The following MIPOL1 variants were observed in gnomAD, a reference collection of about 807,000 sequenced individuals.
The protein encoded by MIPOL1 is mirror-image polydactyly 1.
Under a neutral mutation model 60.9 loss-of-function variants are expected in MIPOL1, and 57 were observed. The observed-to-expected ratio is 0.94, with a 90% CI of 0.76 to 1.17. MIPOL1 has a LOEUF of 1.17. Ranked by LOEUF, MIPOL1 falls within the 50% of genes most tolerant of loss-of-function variation. MIPOL1 has a pLI of 0.00. For synonymous variants in MIPOL1, 179 were observed against 168.8 expected, an observed-to-expected ratio of 1.06 and a Z score of -0.47; for missense variants, 551 against 511.6, an observed-to-expected ratio of 1.08 and a Z score of -0.74.
intron 1 of MIPOL1, among the ~76,000 whole-genome samples, chr14:37,201,701 G>C (rs1965370493): frequency 6.6e-6 from 1 of 151,960 alleles, no homozygotes. Context: ...ATGTCTCTTT[G>C]GGCTGCCCAG....
chr14:37,230,822 C>T (rs1266763700), intron 1 of MIPOL1, among the ~76,000 whole-genome samples: 1 of 152,060 alleles, frequency 6.6e-6, no homozygotes, highest in Non-Finnish European at 1.5e-5. Context: ...TACTGCATGG[C>T]AAACAAGGGA....
intron 9 of MIPOL1, among the ~76,000 whole-genome samples, chr14:37,351,073 A>C (rs1327231427): frequency 2.9e-5 from 3 of 104,532 alleles, no homozygotes; most frequent in South Asian, 3.6e-4. Flanking sequence ...CCCACCCCAC[A>C]ACGGTCCCCA....
intron 7 of MIPOL1, among the ~76,000 whole-genome samples, 166 bp downstream of exon 7, chr14:37,285,613 A>G (rs1404965361): frequency 2.7e-5 from 4 of 145,530 alleles, no homozygotes; most frequent in African/African-American, 1.0e-4. Flanking sequence ...TTTTTTTGAG[A>G]CGGAGTCTTG....
intron 11 of MIPOL1, among the ~76,000 whole-genome samples, chr14:37,491,640 T>C (rs887297229): frequency 5.3e-5 from 8 of 152,224 alleles, no homozygotes; most frequent in Non-Finnish European, 1.0e-4. Flanking sequence ...ACCCAATTTA[T>C]ATTGTGAAAT....
chr14:37,298,677 G>A (rs1235321753), intron 7 of MIPOL1, among the ~76,000 whole-genome samples: 1 of 152,186 alleles, frequency 6.6e-6, no homozygotes. Flanking sequence ...CATTTATGCA[G>A]CCAAAAAACA....
At chr14:37,442,088 T>TTGTGTGTGTG (rs3985271) in intron 11 of MIPOL1, among the ~76,000 whole-genome samples, 45 of 143,816 alleles carry the variant, frequency 3.1e-4, no homozygotes, top group East Asian at 1.7e-3. Flanking sequence ...TTCTACTTTG[T>TTGTGTGTGTG]TGTGTGTGTG....
At chr14:37,238,984 A>G (rs1198100730) in intron 1 of MIPOL1, among the ~76,000 whole-genome samples, 1 of 151,768 alleles carries the variant, frequency 6.6e-6, no homozygotes, top group African/African-American at 2.4e-5. Flanking sequence ...TTTATTTTTT[A>G]ATGAAAAATG....
intron 3 of MIPOL1, among the ~76,000 whole-genome samples, chr14:37,261,566 T>C (rs185558475): frequency 6.6e-6 from 1 of 152,224 alleles, no homozygotes; most frequent in African/African-American, 2.4e-5. Context: ...AAATTAAAGA[T>C]ATAAATTTGA....
intron 11 of MIPOL1, among the ~76,000 whole-genome samples, chr14:37,435,926 G>T (rs1222192053): frequency 2.6e-5 from 4 of 152,100 alleles, no homozygotes; most frequent in Non-Finnish European, 5.9e-5. Flanking sequence ...GTATATTTAT[G>T]ACAATGTGGT....
At chr14:37,445,313 C>A (rs1370842794) in intron 11 of MIPOL1, among the ~76,000 whole-genome samples, 1 of 152,204 alleles carries the variant, frequency 6.6e-6, no homozygotes, top group Admixed American at 6.5e-5. Flanking sequence ...GAGTGAACTC[C>A]CATTCACAAT....
At position 37,342,245 on chromosome 14, in the gene MIPOL1, T is replaced by C. The variant is rs140448754; in HGVS notation, c.829-27272T>C. 2.7e-3 allele frequency among the ~76,000 whole-genome samples: 407 copies of C among 151,720 alleles called. 1 individual carries two copies. The highest frequency in any genetic ancestry group is 4.8e-3 in the Non-Finnish European group (326 of 67,904). ...AGCACGGTGGTGTGTGCCCCCCAGC[T>C]ATTTGGGAGGCTGAGACAGGAGAAT... On this transcript the variant is annotated intron_variant, in intron 9 of 12. Transcript: ENST00000684589.
At chr14:37,282,031 A>G (rs1594887230) in intron 6 of MIPOL1, among the ~76,000 whole-genome samples, 1 of 152,184 alleles carries the variant, frequency 6.6e-6, no homozygotes, top group East Asian at 1.9e-4. Context: ...TTAAATGCAC[A>G]TATACATCTT....
At chr14:37,417,677 T>C (rs2093795928) in intron 10 of MIPOL1, among the ~76,000 whole-genome samples, 1 of 152,204 alleles carries the variant, frequency 6.6e-6, no homozygotes, top group Non-Finnish European at 1.5e-5. Flanking sequence ...GTCATGTTCT[T>C]TGAGAAATCA....
intron 1 of MIPOL1, among the ~76,000 whole-genome samples, chr14:37,224,283 C>A (rs1450449264): frequency 2.0e-5 from 3 of 152,110 alleles, no homozygotes; most frequent in African/African-American, 7.2e-5. Flanking sequence ...AGTTTGAGAC[C>A]AGCCTGGGCA....
chr14:37,432,705 A>C (rs981838060), intron 11 of MIPOL1, among the ~76,000 whole-genome samples: 1 of 152,192 alleles, frequency 6.6e-6, no homozygotes, highest in Admixed American at 6.5e-5. Context: ...TTAAAAAAAA[A>C]ACTTAGGAAA....
At chr14:37,530,612 T>C (rs1018239529) in intron 12 of MIPOL1, among the ~76,000 whole-genome samples, 1 of 152,184 alleles carries the variant, frequency 6.6e-6, no homozygotes, top group African/African-American at 2.4e-5. Context: ...AAGAGCTGTA[T>C]CTCAAGCCGT....
At chr14:37,323,400 CAGTT>C (rs1158031912) in intron 9 of MIPOL1, among the ~76,000 whole-genome samples, 1 of 151,990 alleles carries the variant, frequency 6.6e-6, no homozygotes, top group Non-Finnish European at 1.5e-5. Flanking sequence ...AGTTTGAAGT[CAGTT>C]AGCGTGATGC....
intron 1 of MIPOL1, among the ~76,000 whole-genome samples, chr14:37,215,250 C>A (rs1481907953): frequency 1.2e-4 from 18 of 152,162 alleles, no homozygotes; most frequent in Non-Finnish European, 1.5e-4. Flanking sequence ...CCTTACCCTG[C>A]CCCCTTGTCT....
intron 9 of MIPOL1, among the ~76,000 whole-genome samples, chr14:37,347,708 A>G (rs1182245633): frequency 1.3e-5 from 2 of 152,190 alleles, no homozygotes; most frequent in East Asian, 3.9e-4. Flanking sequence ...ATATCAACCT[A>G]CAAAGGAATT....
Sources: allele counts gnomAD v4.1 joint callset (sites outside exome capture counted in the v4.1 genomes callset), GRCh38; gene constraint gnomAD v4.1.1; transcripts MANE v1.5; gene names NCBI Gene and HGNC (gene_info 2026-07-23, HGNC 2026-07-21).